PTPRD: variants seen among roughly 807,000 people sequenced by gnomAD.
PTPRD encodes protein tyrosine phosphatase receptor type D, also known as receptor-type tyrosine-protein phosphatase delta.
A neutral mutation model predicts 214.5 loss-of-function variants in PTPRD; 34 were observed. The ratio of observed to expected loss-of-function variants is 0.16; its 90% CI spans 0.12 to 0.21. PTPRD has a LOEUF of 0.21. PTPRD is among the 10% of genes least tolerant of loss of function. The probability of loss-of-function intolerance (pLI) is 1.00; values close to 1 mark genes in which losing one functional copy is unlikely to be tolerated. For missense variants in PTPRD, 2,545 were observed against 2,398.7 expected, an observed-to-expected ratio of 1.06 and a Z score of -1.27; for synonymous variants, 1,128 against 845.7, an observed-to-expected ratio of 1.33 and a Z score of -5.79.
chr9:10,058,137 G>T (rs889646767), intron 3 of PTPRD, among the ~76,000 whole-genome samples: 3 of 151,966 alleles, frequency 2.0e-5, no homozygotes, highest in African/African-American at 7.2e-5. Context: ...TCCTGTGAAG[G>T]TATCTCTTTT....
intron 11 of PTPRD, among the ~76,000 whole-genome samples, chr9:8,750,184 G>C (rs565085929): frequency 3.6e-4 from 55 of 152,156 alleles, no homozygotes; most frequent in African/African-American, 1.3e-3. Flanking sequence ...TTGAGACAGA[G>C]TCTCATTCTA....
intron 35 of PTPRD, among the ~76,000 whole-genome samples, chr9:8,428,569 A>T (rs76662523): frequency 0.1 from 15,418 of 152,130 alleles, 896 homozygotes; most frequent in African/African-American, 0.17. Flanking sequence ...CTTTGCATAA[A>T]AGATGAAAAC....
Position 8,927,881 on chromosome 9 carries a change from C to A in PTPRD, c.-104+90816G>T, listed in dbSNP as rs2098914446. Among the ~76,000 whole-genome samples the A allele has an allele frequency of 2.0e-5, 3 of 152,266 alleles. No homozygotes were observed. The South Asian group carries it at 6.2e-4, about 32-fold the overall frequency. Reference sequence around the variant, plus strand: ...CTCTCCAGCATCTGTTGTTTCCTGACTTTTTAATGATTGCCATTCTAACTG... The same window carrying A: ...CTCTCCAGCATCTGTTGTTTCCTGAATTTTTAATGATTGCCATTCTAACTG... On this transcript the variant is annotated intron_variant, in intron 11 of 45. Coordinates refer to ENST00000381196, the MANE Select transcript of PTPRD (RefSeq NM_002839.4).
intron 31 of PTPRD, among the ~76,000 whole-genome samples, chr9:8,468,056 T>A (rs1782337740): frequency 1.3e-5 from 2 of 152,030 alleles, no homozygotes; most frequent in Non-Finnish European, 2.9e-5. Flanking sequence ...TTCATCCATA[T>A]CATTGTCATT....
At chr9:10,493,021 C>A (rs1408949413) in intron 2 of PTPRD, among the ~76,000 whole-genome samples, 1 of 151,934 alleles carries the variant, frequency 6.6e-6, no homozygotes, top group Non-Finnish European at 1.5e-5. Flanking sequence ...GAATACAATA[C>A]CTAGGAATAC....
intron 10 of PTPRD, among the ~76,000 whole-genome samples, chr9:9,125,539 G>C (rs1181951086): frequency 6.6e-6 from 1 of 152,118 alleles, no homozygotes; most frequent in African/African-American, 2.4e-5. Flanking sequence ...TGAGCCTTCA[G>C]GGCAAGGACT....
At chr9:10,127,705 A>T (rs1307612346) in intron 3 of PTPRD, among the ~76,000 whole-genome samples, 1 of 151,714 alleles carries the variant, frequency 6.6e-6, no homozygotes, top group Non-Finnish European at 1.5e-5. Context: ...AAATTCATTA[A>T]CCTCTTCCAT....
At chr9:10,420,618 G>T (rs1014479929) in intron 2 of PTPRD, among the ~76,000 whole-genome samples, 1 of 151,760 alleles carries the variant, frequency 6.6e-6, no homozygotes, top group South Asian at 2.1e-4. Flanking sequence ...CAAGAAGTGG[G>T]CATACTCCTT....
At chr9:9,405,915 G>C (rs776554419) in intron 8 of PTPRD, among the ~76,000 whole-genome samples, 29 of 151,978 alleles carry the variant, frequency 1.9e-4, no homozygotes, top group Non-Finnish European at 3.8e-4. Context: ...GTAAACACTA[G>C]AGCTTTGCAT....
At chr9:9,616,631 G>T (rs147625722) in intron 7 of PTPRD, among the ~76,000 whole-genome samples, 4 of 152,138 alleles carry the variant, frequency 2.6e-5, no homozygotes, top group South Asian at 2.1e-4. Flanking sequence ...CCCAAAACTC[G>T]TTGGGGCTAA....
intron 2 of PTPRD, among the ~76,000 whole-genome samples, chr9:10,569,609 A>T (rs1355713128): frequency 6.6e-6 from 1 of 151,922 alleles, no homozygotes; most frequent in African/African-American, 2.4e-5. Context: ...TAGGGTTGAT[A>T]AATTATTAGG....
rs1555277291 is a variant in PTPRD, at chr9:8,755,529, C to CAA, written c.-103-21585_-103-21584dup. ...GGGCAACAAGAGTGAAACTCTGTCT[C>CAA]AAAAAAAAAAAAAAAACAGCAGCAC... On this transcript the variant is annotated intron_variant, in intron 11 of 45. Transcript: ENST00000381196. 1.2e-3 allele frequency among the ~76,000 whole-genome samples: 108 copies of CAA among 88,478 alleles called. 1 individual carries two copies. The highest frequency in any genetic ancestry group is 2.6e-3 in the African/African-American group (84 of 31,938). The allele number at this position is 88,478 out of a possible 152,430, so 58.0% of individuals were successfully genotyped here. A position where few individuals can be genotyped will look rare whatever the true frequency, so the allele number is the denominator to read the frequency against.
intron 9 of PTPRD, among the ~76,000 whole-genome samples, chr9:9,389,185 G>C (rs889055129): frequency 1.3e-5 from 2 of 152,120 alleles, no homozygotes; most frequent in African/African-American, 4.8e-5. Flanking sequence ...GCAGCATACT[G>C]CTTAATGATT....
chr9:10,219,165 G>A (rs1594562627), intron 3 of PTPRD, among the ~76,000 whole-genome samples: 1 of 151,692 alleles, frequency 6.6e-6, no homozygotes, highest in Admixed American at 6.6e-5. Flanking sequence ...TCTCTCAGGT[G>A]TAAGAAAACC....
At chr9:10,584,685 A>C (rs2073315506) in intron 2 of PTPRD, among the ~76,000 whole-genome samples, 1 of 152,190 alleles carries the variant, frequency 6.6e-6, no homozygotes, top group African/African-American at 2.4e-5. Flanking sequence ...GAATAATGAC[A>C]TATATCAGTA....
At chr9:9,605,152 A>T (rs2094065828) in intron 7 of PTPRD, among the ~76,000 whole-genome samples, 1 of 152,072 alleles carries the variant, frequency 6.6e-6, no homozygotes, top group Non-Finnish European at 1.5e-5. Flanking sequence ...GAACATTACC[A>T]TTATTCCCTG....
intron 9 of PTPRD, among the ~76,000 whole-genome samples, chr9:9,266,958 T>A (rs918455178): frequency 6.6e-6 from 1 of 151,120 alleles, no homozygotes; most frequent in South Asian, 2.1e-4. Context: ...AGAGCATAAA[T>A]AAATGAAATA....
chr9:8,375,354 C>A (rs1201455817), intron 39 of PTPRD, among the ~76,000 whole-genome samples: 1 of 151,850 alleles, frequency 6.6e-6, no homozygotes, highest in African/African-American at 2.4e-5. Context: ...AACTTATTAC[C>A]TTTGAGTACA....
At chr9:9,579,779 G>A (rs2090164097) in intron 7 of PTPRD, among the ~76,000 whole-genome samples, 1 of 152,012 alleles carries the variant, frequency 6.6e-6, no homozygotes, top group Admixed American at 6.6e-5. Flanking sequence ...GTGAAGTCAG[G>A]GCTTTTAGTA....
Sources: gnomAD v4.1 joint callset for allele counts (sites outside exome capture counted in the v4.1 genomes callset) on GRCh38, gnomAD v4.1.1 for gene constraint, MANE v1.5 for transcripts, NCBI Gene and HGNC (gene_info 2026-07-23, HGNC 2026-07-21) for gene names.